Variants in RYR2 observed in about 807,000 individuals in gnomAD.
RYR2 encodes the protein cardiac muscle ryanodine receptor-calcium release channel.
In RYR2, 227 loss-of-function variants were observed where a neutral mutation model predicts 601.1. That is an observed-to-expected ratio of 0.38 (90% confidence interval 0.34 to 0.42). The LOEUF is 0.42. Among genes scored for constraint, RYR2 ranks in the 10% least tolerant of loss-of-function variants. RYR2 has a pLI of 1.00. For missense variants in RYR2, 4,646 were observed against 6,156.5 expected, an observed-to-expected ratio of 0.75 and a Z score of 8.21; for synonymous variants, 2,223 against 2,175.1, an observed-to-expected ratio of 1.02 and a Z score of -0.61.
chr1:237,749,377 A>AAT (rs1692349121), intron 80 of RYR2, among the ~76,000 whole-genome samples: 1 of 152,146 alleles, frequency 6.6e-6, no homozygotes, highest in Non-Finnish European at 1.5e-5. Flanking sequence ...TAAATTAGTC[A>AAT]ATATATATAA....
intron 2 of RYR2, among the ~76,000 whole-genome samples, chr1:237,308,731 C>T (rs950080215): frequency 2.0e-5 from 3 of 152,188 alleles, no homozygotes; most frequent in African/African-American, 7.2e-5. Flanking sequence ...TGAGCAGCAG[C>T]AAGATTTACT....
intron 1 of RYR2, among the ~76,000 whole-genome samples, chr1:237,148,585 C>CAT (rs140372872): frequency 0.077 from 10,502 of 136,152 alleles, 976 homozygotes; most frequent in African/African-American, 0.2. Context: ...TATACACACA[C>CAT]ATATATATAT....
At position 237,638,339 on chromosome 1, in the gene RYR2, T is replaced by TA; in HGVS notation, c.6793-16dup. 1 of 1,613,724 alleles carries TA rather than the reference T, an allele frequency of 6.2e-7. No homozygotes were observed. The highest frequency in any genetic ancestry group is 2.2e-5 in the East Asian group (1 of 44,856). ...TTTCAGCCAAGGGATAACTCTTTGT[T>TA]AATCATGTTGTTTGCAGGTAGTTCG... On this transcript the variant is annotated splice_polypyrimidine_tract_variant and intron_variant, in intron 44 of 104. Transcript: ENST00000366574.
intron 98 of RYR2, among the ~76,000 whole-genome samples, chr1:237,803,514 A>C (rs370506904): frequency 3.3e-5 from 5 of 151,936 alleles, no homozygotes; most frequent in African/African-American, 7.3e-5. Flanking sequence ...GTTAGCCAGG[A>C]TGGTCTCGAT....
chr1:237,779,044 G>A (rs1041116475), intron 88 of RYR2, among the ~76,000 whole-genome samples: 4 of 152,084 alleles, frequency 2.6e-5, no homozygotes, highest in Admixed American at 6.6e-5. Context: ...TGAAACAGTC[G>A]AGTCCCCAAA....
intron 1 of RYR2, among the ~76,000 whole-genome samples, chr1:237,196,334 C>T (rs1404218113): frequency 6.6e-6 from 1 of 152,028 alleles, no homozygotes; most frequent in Non-Finnish European, 1.5e-5. Context: ...TTATGGTATA[C>T]CTTGTGCTTT....
At chr1:237,340,837 A>G (rs1159726883) in intron 3 of RYR2, among the ~76,000 whole-genome samples, 1 of 152,220 alleles carries the variant, frequency 6.6e-6, no homozygotes, top group African/African-American at 2.4e-5. Context: ...GAATGTGATT[A>G]TAATCTCTTG....
intron 34 of RYR2, among the ~76,000 whole-genome samples, chr1:237,597,111 C>T (rs992086676): frequency 6.6e-6 from 1 of 152,110 alleles, no homozygotes; most frequent in African/African-American, 2.4e-5. Context: ...CAGAATACTG[C>T]AGTACTGAAA....
At chr1:237,055,364 T>C (rs1400586697) in intron 1 of RYR2, among the ~76,000 whole-genome samples, 1 of 152,090 alleles carries the variant, frequency 6.6e-6, no homozygotes, top group East Asian at 1.9e-4. Flanking sequence ...ATTAGAAAGA[T>C]TAATGGGGCA....
At position 237,065,269 on chromosome 1, in the gene RYR2, C is replaced by CTTTTTTTTTTTT. The variant is rs766039441; in HGVS notation, c.48+22716_48+22727dup. Among the ~76,000 whole-genome samples the CTTTTTTTTTTTT allele has an allele frequency of 3.2e-4, 25 of 77,498 alleles. 3 individuals carry two copies. The highest frequency in any genetic ancestry group is 1.3e-3 in the African/African-American group (25 of 19,184). 50.8% of individuals were successfully genotyped at this position (77,498 alleles called of 152,430 possible). A position where few individuals can be genotyped will look rare whatever the true frequency, so the allele number is the denominator to read the frequency against. The stretch of plus-strand genomic sequence containing the variant: ...CCTCAAAGAGCTCTTGTGTGCTATC[C>CTTTTTTTTTTTT]TTTTTTTTTTTTTTTTTTTTTTTTT... On this transcript the variant is annotated intron_variant, in intron 1 of 104. Transcript: ENST00000366574.
At chr1:237,718,024 T>C (rs1224330847) in intron 72 of RYR2, among the ~76,000 whole-genome samples, 1 of 152,146 alleles carries the variant, frequency 6.6e-6, no homozygotes, top group East Asian at 1.9e-4. Context: ...GCTGTGGGAG[T>C]GGGCTGCATC....
chr1:237,775,309 C>T (rs1338023212), intron 87 of RYR2, among the ~76,000 whole-genome samples: 3 of 152,116 alleles, frequency 2.0e-5, no homozygotes, highest in African/African-American at 7.2e-5. Context: ...AAATTAACAT[C>T]GGCACATCCT....
chr1:237,354,106 T>C (rs925932407), intron 3 of RYR2, among the ~76,000 whole-genome samples: 1 of 152,238 alleles, frequency 6.6e-6, no homozygotes. Flanking sequence ...TTGTCTTGTC[T>C]TGTGTGTCTA....
chr1:237,801,758 T>G, intron 97 of RYR2, 98 bp from the exon 98 acceptor site: 1 of 672,836 alleles, frequency 1.5e-6, no homozygotes, highest in Admixed American at 2.4e-5. Flanking sequence ...GGTGTCCAAG[T>G]CTTGTCCCAT....
intron 2 of RYR2, among the ~76,000 whole-genome samples, chr1:237,296,943 G>A (rs1029553355): frequency 6.6e-6 from 1 of 152,166 alleles, no homozygotes; most frequent in Non-Finnish European, 1.5e-5. Flanking sequence ...TTTAATATGG[G>A]CACTAAAGTG....
At chr1:237,348,823 G>GA (rs1350530258) in intron 3 of RYR2, among the ~76,000 whole-genome samples, 1 of 152,026 alleles carries the variant, frequency 6.6e-6, no homozygotes, top group Non-Finnish European at 1.5e-5. Flanking sequence ...AATCTACAAT[G>GA]AAAAAAATCA....
At chr1:237,447,194 C>T (rs1657464362) in intron 14 of RYR2, among the ~76,000 whole-genome samples, 1 of 152,122 alleles carries the variant, frequency 6.6e-6, no homozygotes, top group African/African-American at 2.4e-5. Flanking sequence ...AATACTAGAC[C>T]AAAAACTGGT....
chr1:237,369,613 G>T lies in RYR2; in HGVS notation c.384+5G>T. The T allele has an allele frequency of 6.4e-7, 1 of 1,556,198 alleles. No homozygotes were observed. On this transcript the variant is annotated splice_donor_5th_base_variant and intron_variant, in intron 6 of 104. Transcript: ENST00000366574. ...CGCCATTCCTATAGTGGCATGGTGA[G>T]TAGGCATTTGATTTCATCTCCCTGT...
chr1:237,332,979 C>T (rs1458273374), intron 3 of RYR2, among the ~76,000 whole-genome samples: 1 of 152,234 alleles, frequency 6.6e-6, no homozygotes, highest in East Asian at 1.9e-4. Flanking sequence ...ACAGTGTACC[C>T]AGCTTCTAGG....
Sources: allele counts gnomAD v4.1 joint callset (sites outside exome capture counted in the v4.1 genomes callset), GRCh38; gene constraint gnomAD v4.1.1; transcripts MANE v1.5; gene names NCBI Gene and HGNC (gene_info 2026-07-23, HGNC 2026-07-21).